SNX25: variants seen among roughly 807,000 people sequenced by gnomAD.
The protein encoded by SNX25 is sorting nexin 25, also known as sorting nexin-25.
A neutral mutation model predicts 113.7 loss-of-function variants in SNX25; 62 were observed. The ratio of observed to expected loss-of-function variants is 0.55; its 90% CI spans 0.44 to 0.67. SNX25 has a LOEUF of 0.67. Ranked by LOEUF, SNX25 falls within the 30% of genes least tolerant of loss-of-function variation. SNX25 has a pLI of 0.00. For synonymous variants in SNX25, 421 were observed against 436.2 expected (o/e 0.97, Z 0.43); for missense variants, 1,014 against 1,161.0 (o/e 0.87, Z 1.84).
chr4:185,272,675 T>G (rs1348948425), intron 5 of SNX25, among the ~76,000 whole-genome samples: 1 of 152,226 alleles, frequency 6.6e-6, no homozygotes, highest in Non-Finnish European at 1.5e-5. Flanking sequence ...TTCTTCCACC[T>G]GCTTCCCATC....
At chr4:185,371,540 T>TA (rs11288148), downstream of SNX25, among the ~76,000 whole-genome samples, 91 of 78,264 alleles carry the variant, frequency 1.2e-3, 2 homozygotes, top group East Asian at 7.0e-3. Flanking sequence ...AGACTCCGTC[T>TA]AAAAAAAAAA....
upstream of SNX25, among the ~76,000 whole-genome samples, chr4:185,207,210 C>CTT (rs34373262): frequency 0.03 from 2,339 of 76,836 alleles, 514 homozygotes; most frequent in African/African-American, 0.05. Flanking sequence ...ACCAGTCACA[C>CTT]TTTTTTTTTT....
chr4:185,342,465 G>A (rs2095264597), intron 12 of SNX25, among the ~76,000 whole-genome samples: 1 of 152,126 alleles, frequency 6.6e-6, no homozygotes, highest in Non-Finnish European at 1.5e-5. Context: ...GAGCTGCATT[G>A]GATTCTATCA....
chr4:185,268,068 G>A lies in SNX25; in HGVS notation c.1091+913G>A, dbSNP rs145478094. On this transcript the variant is annotated intron_variant, in intron 5 of 18. Transcript: ENST00000652585. Reference sequence around the variant, plus strand: ...GGCAGAACAAAATCCTGTGTAAGTGGACTCATGCAGTTCAAACCTATGTTT... The same window carrying A: ...GGCAGAACAAAATCCTGTGTAAGTGAACTCATGCAGTTCAAACCTATGTTT... 1.6e-4 allele frequency among the ~76,000 whole-genome samples: 24 copies of A among 152,262 alleles called. No individual in the cohort carries two copies. The East Asian group carries it at 3.1e-3, about 20-fold the overall frequency.
chr4:185,283,155 C>T (rs776897230), intron 5 of SNX25, among the ~76,000 whole-genome samples: 1 of 152,156 alleles, frequency 6.6e-6, no homozygotes, highest in Non-Finnish European at 1.5e-5. Context: ...GATTCCACCC[C>T]CTGCTGTCAA....
intron 1 of SNX25, among the ~76,000 whole-genome samples, chr4:185,224,193 A>AACCTGTCTC (rs1466226041): frequency 6.6e-6 from 1 of 151,950 alleles, no homozygotes; most frequent in Non-Finnish European, 1.5e-5. Context: ...TCTACTAGAA[A>AACCTGTCTC]TACAAAAAAT....
chr4:185,238,695 A>G (rs1399397291), intron 1 of SNX25, among the ~76,000 whole-genome samples: 1 of 152,192 alleles, frequency 6.6e-6, no homozygotes, highest in East Asian at 1.9e-4. Flanking sequence ...AAGATGAACC[A>G]TTTCAGTAGC....
intron 8 of SNX25, 70 bp downstream of exon 8, chr4:185,320,934 C>CA: frequency 7.3e-7 from 1 of 1,364,952 alleles, no homozygotes; most frequent in Non-Finnish European, 9.8e-7. Context: ...GGCAGCATGT[C>CA]TGTTTTTCTC....
chr4:185,248,490 A>G (rs1745168242), intron 2 of SNX25, among the ~76,000 whole-genome samples: 3 of 152,046 alleles, frequency 2.0e-5, no homozygotes, highest in Admixed American at 1.3e-4. Context: ...TGTCTCTGCA[A>G]AAAATACAAA....
chr4:185,250,164 T>G (rs375994292), intron 2 of SNX25, among the ~76,000 whole-genome samples: 3 of 152,332 alleles, frequency 2.0e-5, no homozygotes, highest in African/African-American at 7.2e-5. Context: ...ATGGATGTGT[T>G]TGGATTTTGT....
rs1755101244 is a variant in SNX25, at chr4:185,310,548, C to G, written c.1163-87C>G. ...TAGTATCCACTTGGTTCAGAATGCC[C>G]ACAGCAGACACTGATCTGGTTCTGA... On this transcript the variant is annotated intron_variant, in intron 6 of 18. Transcript: ENST00000652585. 4 of 1,229,584 alleles carry G rather than the reference C, an allele frequency of 3.3e-6. No homozygotes were observed. In the East Asian group the frequency reaches 9.7e-5, roughly 30 times the overall value. 76.2% of individuals were successfully genotyped at this position (1,229,584 alleles called of 1,614,324 possible).
At chr4:185,223,839 G>A (rs926856518) in intron 1 of SNX25, among the ~76,000 whole-genome samples, 1 of 152,110 alleles carries the variant, frequency 6.6e-6, no homozygotes, top group Admixed American at 6.5e-5. Context: ...TTTATTAGGA[G>A]TGACAAGATG....
chr4:185,273,628 AG>A lies in SNX25; in HGVS notation c.1091+6474del, dbSNP rs1749254024. 2.6e-5 allele frequency among the ~76,000 whole-genome samples: 4 copies of A among 152,328 alleles called. No individual in the cohort carries two copies. In the South Asian group the frequency reaches 8.3e-4, roughly 32 times the overall value. On this transcript the variant is annotated intron_variant, in intron 5 of 18. Transcript: ENST00000652585. ...TCACCATGCTGTGTGTTAGCTCTCC[AG>A]AAGTTACTCACCTTTGTACGCTTTA...
the SNX25 span, chr4:185,377,417 C>G: frequency 6.0e-6 from 1 of 166,864 alleles, no homozygotes; most frequent in Non-Finnish European, 1.3e-5. Flanking sequence ...ACTCGGGAGA[C>G]TCAGGCAGGA....
At chr4:185,295,755 G>GT (rs1435568258) in intron 6 of SNX25, 1 of 152,154 alleles carries the variant, frequency 6.6e-6, no homozygotes, top group Non-Finnish European at 1.5e-5. Context: ...CCTGGCAAGT[G>GT]TTTTTGAATC....
intron 12 of SNX25, among the ~76,000 whole-genome samples, chr4:185,344,901 G>A (rs1221017438): frequency 6.6e-6 from 1 of 152,166 alleles, no homozygotes; most frequent in African/African-American, 2.4e-5. Context: ...CCTTAGCACT[G>A]TGGAAAGCAA....
the SNX25 span, chr4:185,375,510 A>ATATATATATATATATG: frequency 1.6e-5 from 1 of 63,432 alleles, no homozygotes; most frequent in Non-Finnish European, 2.6e-5. Context: ...ATATATATAT[A>ATATATATATATATATG]TATATGTATA....
At chr4:185,235,096 C>T (rs1337127551) in intron 1 of SNX25, among the ~76,000 whole-genome samples, 2 of 152,198 alleles carry the variant, frequency 1.3e-5, no homozygotes, top group Admixed American at 6.5e-5. Context: ...TGTAGTCTCT[C>T]GGTCTATCTT....
At position 185,210,234 on chromosome 4, in the gene SNX25, A is replaced by AGCCGCCC. The variant is rs1233211912; in HGVS notation, c.420_426dup (p.Gly143ProfsTer12). The AGCCGCCC allele has an allele frequency of 1.0e-5, 10 of 984,530 alleles. No individual in the cohort carries two copies. The highest frequency in any genetic ancestry group is 6.2e-5 in the Admixed American group (1 of 16,142). 61.0% of individuals were successfully genotyped at this position (984,530 alleles called of 1,614,324 possible). A position where few individuals can be genotyped will look rare whatever the true frequency, so the allele number is the denominator to read the frequency against. On this transcript the variant is annotated frameshift_variant, in exon 1 of 19. Coordinates refer to ENST00000652585, the MANE Select transcript of SNX25 (RefSeq NM_001378034.2). LOFTEE classifies it high-confidence loss of function. The surrounding 1 kb of genome is among the most constrained non-coding windows in gnomAD (Gnocchi z 4.4). ...CCTGGAGCCGGCTGGCCGCGACCTC[A>AGCCGCCC]GCCGCCCGCCGCCCGCCGGGGGTAA...
Sources: gnomAD v4.1 joint callset for allele counts (sites outside exome capture counted in the v4.1 genomes callset) on GRCh38, gnomAD v4.1.1 for gene constraint, Gnocchi (gnomAD v3.1) non-coding constraint, MANE v1.5 for transcripts, NCBI Gene and HGNC (gene_info 2026-07-23, HGNC 2026-07-21) for gene names.